PAPPA: variants seen among roughly 807,000 people sequenced by gnomAD.
PAPPA encodes the protein pappalysin-1.
A neutral mutation model predicts 164.0 loss-of-function variants in PAPPA; 60 were observed. The ratio of observed to expected loss-of-function variants is 0.37; its 90% CI spans 0.30 to 0.45. PAPPA has a LOEUF of 0.45. PAPPA is among the 20% of genes least tolerant of loss of function. The pLI is 1.00. For missense variants in PAPPA, 1,782 were observed against 2,087.3 expected (o/e 0.85, Z 2.85); for synonymous variants, 875 against 814.1 (o/e 1.07, Z -1.27).
chr9:116,225,157 A>G (rs1844490583), intron 5 of PAPPA, among the ~76,000 whole-genome samples: 2 of 152,254 alleles, frequency 1.3e-5, no homozygotes, highest in Admixed American at 6.5e-5. Flanking sequence ...CAAGGTCAGC[A>G]TGGTTCCTGA....
At chr9:116,198,940 C>T (rs1030246380) in intron 2 of PAPPA, among the ~76,000 whole-genome samples, 4 of 151,904 alleles carry the variant, frequency 2.6e-5, no homozygotes, top group Admixed American at 2.6e-4. Context: ...CTTTTGAATG[C>T]TTTATTTATT....
intron 21 of PAPPA, among the ~76,000 whole-genome samples, chr9:116,384,576 T>TTTAAC (rs1444480590): frequency 6.6e-6 from 1 of 152,198 alleles, no homozygotes; most frequent in African/African-American, 2.4e-5. Flanking sequence ...AACTTTTATT[T>TTTAAC]TTAACTTTTG....
chr9:116,173,460 T>C (rs1843796492), intron 1 of PAPPA, among the ~76,000 whole-genome samples: 1 of 152,072 alleles, frequency 6.6e-6, no homozygotes, highest in African/African-American at 2.4e-5. Flanking sequence ...CAGCTAATGA[T>C]CCCCACCCAC....
At chr9:116,219,779 A>G (rs1387466016) in intron 4 of PAPPA, among the ~76,000 whole-genome samples, 158 bp from the exon 5 acceptor site, 1 of 152,070 alleles carries the variant, frequency 6.6e-6, no homozygotes, top group Non-Finnish European at 1.5e-5. Context: ...TAATTTGTTC[A>G]CAGGCCATTA....
chr9:116,166,474 C>A (rs917285914), intron 1 of PAPPA, among the ~76,000 whole-genome samples: 4 of 152,140 alleles, frequency 2.6e-5, no homozygotes, highest in African/African-American at 9.7e-5. Context: ...CAGTCTTCAC[C>A]CATTTCCCTC....
chr9:116,182,080 T>C (rs1415418396), intron 1 of PAPPA, among the ~76,000 whole-genome samples: 1 of 152,236 alleles, frequency 6.6e-6, no homozygotes, highest in Admixed American at 6.5e-5. Context: ...GTGGGAATTC[T>C]ATAGACCTGC....
intron 8 of PAPPA, among the ~76,000 whole-genome samples, chr9:116,268,132 T>C (rs1057336560): frequency 2.0e-4 from 31 of 152,310 alleles, no homozygotes; most frequent in African/African-American, 7.5e-4. Flanking sequence ...TTATAACTGT[T>C]GCATTATGGT....
At chr9:116,346,107 C>A in intron 14 of PAPPA, among the ~76,000 whole-genome samples, 1 of 152,168 alleles carries the variant, frequency 6.6e-6, no homozygotes, top group East Asian at 1.9e-4. Context: ...GCACACATCC[C>A]TTTGATGTGT....
rs924025719 is a variant in PAPPA at position 116,166,234 on chromosome 9, G to A, written c.415+11647G>A. ...TGGCCTTCCAAAACAGAAGGGGAAG[G>A]GGAATAGTATATTTAAGGGCCTTCT... On this transcript the variant is annotated intron_variant, in intron 1 of 21. Coordinates refer to ENST00000328252, the MANE Select transcript of PAPPA (RefSeq NM_002581.5). Among the ~76,000 whole-genome samples, 22 of 152,296 alleles carry A rather than the reference G, an allele frequency of 1.4e-4. No homozygotes were observed. The East Asian group carries it at 4.3e-3, about 29-fold the overall frequency.
chr9:116,395,889 G>C (rs1396489928), intron 21 of PAPPA, among the ~76,000 whole-genome samples: 2 of 152,146 alleles, frequency 1.3e-5, no homozygotes, highest in African/African-American at 4.8e-5. Context: ...TATGTGCAGA[G>C]ACTTATGTTT....
At chr9:116,316,017 T>C (rs1190853807) in intron 10 of PAPPA, among the ~76,000 whole-genome samples, 1 of 152,240 alleles carries the variant, frequency 6.6e-6, no homozygotes, top group African/African-American at 2.4e-5. Context: ...TTAGGTCACT[T>C]ACCCAAGTTC....
chr9:116,389,366 C>T (rs1484053835), intron 21 of PAPPA, among the ~76,000 whole-genome samples: 1 of 152,040 alleles, frequency 6.6e-6, no homozygotes, highest in Admixed American at 6.6e-5. Context: ...CTCCTGACCT[C>T]GCAGAATAGT....
At chr9:116,303,649 A>C (rs1271044977) in intron 10 of PAPPA, among the ~76,000 whole-genome samples, 1 of 152,050 alleles carries the variant, frequency 6.6e-6, no homozygotes, top group Non-Finnish European at 1.5e-5. Flanking sequence ...CAAATTTCCC[A>C]GAGACACGAC....
At chr9:116,311,426 T>C (rs1845716615) in intron 10 of PAPPA, among the ~76,000 whole-genome samples, 1 of 152,192 alleles carries the variant, frequency 6.6e-6, no homozygotes, top group Non-Finnish European at 1.5e-5. Context: ...GGAATTAACC[T>C]TAGAGGTTAA....
At position 116,187,637 on chromosome 9, in the gene PAPPA, T is replaced by C. The variant is rs751577298; in HGVS notation, c.899T>C (p.Met300Thr). 1.2e-6 allele frequency: 2 copies of C among 1,614,176 alleles called. No individual in the cohort carries two copies. Among genetic ancestry groups the C allele is most frequent in the Non-Finnish European group, 1.7e-6 (2 of 1,180,010 alleles). The part of the protein sequence containing the change: ...WDNVKHAWSP[M>T]KDGSSPKVEF... ...AATGTGAAGCATGCCTGGTCCCCCA[T>C]GAAGGATGGCAGCAGCCCCAAAGTG... The change falls in exon 2 of 22, where the codon ATG (methionine) becomes ACG (threonine). Residue 300 changes from methionine to threonine, a missense_variant. Physicochemically the swap from Met to Thr is moderately conservative, Grantham distance 81. This residue lies in a region of PAPPA where 458 missense variants were observed against 430.3 expected (regional missense o/e 1.06). Coordinates refer to ENST00000328252, the MANE Select transcript of PAPPA (RefSeq NM_002581.5). The surrounding 1 kb of genome is among the most constrained non-coding windows in gnomAD (Gnocchi z 4.2).
intron 9 of PAPPA, among the ~76,000 whole-genome samples, chr9:116,290,920 ATTGCTC>A (rs1387139272): frequency 6.6e-6 from 1 of 151,704 alleles, no homozygotes; most frequent in Non-Finnish European, 1.5e-5. Context: ...GGTCCTAGGT[ATTGCTC>A]TTCCTTCTGT....
chr9:116,347,203 T>C lies in PAPPA; in HGVS notation c.3958T>C (p.Leu1320=), dbSNP rs1293849643. 2 of 1,607,832 alleles carry C rather than the reference T, an allele frequency of 1.2e-6. No homozygotes were observed. The highest frequency in any genetic ancestry group is 1.3e-5 in the African/African-American group (1 of 74,822). ...CTTCCAGTGCCGTCACCCTGCACAATTGAAAGGTATCAAGAACGCCTTCCC... is the reference window on the plus strand; with the variant it reads ...CTTCCAGTGCCGTCACCCTGCACAACTGAAAGGTATCAAGAACGCCTTCCC... The part of the protein sequence containing the change: ...CSFQCRHPAQ[L]KGNNSLLTCM... The change falls in exon 15 of 22, where the codon TTG becomes CTG. Residue 1320 remains leucine, a synonymous_variant. Coordinates refer to ENST00000328252, the MANE Select transcript of PAPPA (RefSeq NM_002581.5). This position sits in a 1 kb window ranked among gnomAD's most constrained non-coding sequence, Gnocchi z 4.5.
Position 116,271,283 on chromosome 9 carries a change from A to C in PAPPA, c.2862-42A>C. On this transcript the variant is annotated intron_variant, in intron 8 of 21. Coordinates refer to ENST00000328252, the MANE Select transcript of PAPPA (RefSeq NM_002581.5). This position sits in a 1 kb window ranked among gnomAD's most constrained non-coding sequence, Gnocchi z 4.2. Reference sequence around the variant, plus strand: ...CTTTTCCATGTCCAGCCATGGTTTTAAGACTAAATTGGCAAATTTCTCTTC... The same window carrying C: ...CTTTTCCATGTCCAGCCATGGTTTTCAGACTAAATTGGCAAATTTCTCTTC... The C allele has an allele frequency of 1.4e-6, 2 of 1,423,886 alleles. No individual in the cohort carries two copies. The highest frequency in any genetic ancestry group is 2.0e-6 in the Non-Finnish European group (2 of 1,006,616). The allele number at this position is 1,423,886 out of a possible 1,614,324, so 88.2% of individuals were successfully genotyped here.
intron 9 of PAPPA, among the ~76,000 whole-genome samples, chr9:116,277,076 G>T (rs1456675436): frequency 2.0e-5 from 3 of 152,118 alleles, no homozygotes; most frequent in African/African-American, 7.2e-5. Flanking sequence ...GCATCTGCTG[G>T]AGGAGAGGGG....
Sources: gnomAD v4.1 joint callset for allele counts (sites outside exome capture counted in the v4.1 genomes callset) on GRCh38, gnomAD v4.1.1 for gene constraint, gnomAD v4.1.1 regional missense constraint, Gnocchi (gnomAD v3.1) non-coding constraint, MANE v1.5 for transcripts, NCBI Gene and HGNC (gene_info 2026-07-23, HGNC 2026-07-21) for gene names.